SCT: variants seen among roughly 807,000 people sequenced by gnomAD.
SCT encodes prepro-secretin.
Under a neutral mutation model 10.9 loss-of-function variants are expected in SCT, and 17 were observed. The ratio of observed to expected loss-of-function variants is 1.55; its 90% CI spans 1.06 to 2.33. The LOEUF is 2.33. Ranked by LOEUF, SCT falls within the 30% of genes most tolerant of loss-of-function variation. The pLI, the probability that SCT is intolerant of heterozygous loss-of-function variation, is 0.00. For synonymous variants in SCT, 96 were observed against 73.9 expected (o/e 1.30, Z -1.54); for missense variants, 230 against 165.9 (o/e 1.39, Z -2.12).
intron 3 of SCT, 24 bp downstream of exon 3, chr11:626,673 G>C: frequency 6.5e-7 from 1 of 1,530,366 alleles, no homozygotes. Context: ...CTGGAGTGGG[G>C]TCTGCGGTGG....
At position 627,087 on chromosome 11, in the gene SCT, G is replaced by A. The variant is rs1264519733; in HGVS notation, c.57C>T (p.Arg19=). The change falls in exon 1 of 4, where the codon CGC becomes CGT. Residue 19 remains arginine, a synonymous_variant. Transcript: ENST00000176195. The stretch of plus-strand genomic sequence containing the variant: ...GGGCGGCTCACCTGGGGGGCGCGGG[G>A]CGCGCGGCGGAGCCCCCGAGGAGCA... ...LLLLLGGSAA[R]PAPPRARRHS... The A allele has an allele frequency of 1.2e-5, 14 of 1,130,452 alleles. No homozygotes were observed. The highest frequency in any genetic ancestry group is 1.5e-5 in the Non-Finnish European group (14 of 919,288). The allele number at this position is 1,130,452 out of a possible 1,614,324, so 70.0% of individuals were successfully genotyped here. A position where few individuals can be genotyped will look rare whatever the true frequency, so the allele number is the denominator to read the frequency against.
Position 627,084 on chromosome 11 carries a change from G to C in SCT, c.60C>G (p.Pro20=). The C allele has an allele frequency of 8.8e-7, 1 of 1,132,924 alleles. No individual in the cohort carries two copies. The highest frequency in any genetic ancestry group is 1.6e-5 in the African/African-American group (1 of 60,902). The allele number at this position is 1,132,924 out of a possible 1,614,324, so 70.2% of individuals were successfully genotyped here. ...GGCGGGCGGCTCACCTGGGGGGCGC[G>C]GGGCGCGCGGCGGAGCCCCCGAGGA... The part of the protein sequence containing the change: ...LLLLGGSAAR[P]APPRARRHSD... Residue 20 remains proline (P), a synonymous_variant, in exon 1 of 4, where the codon CCC becomes CCG. Transcript: ENST00000176195.
In SCT at chr11:626,499, G is replaced by A. The variant is rs759937186; in HGVS notation, c.298C>T (p.Leu100=). 2.6e-6 allele frequency: 4 copies of A among 1,561,516 alleles called. No homozygotes were observed. The highest frequency in any genetic ancestry group is 2.4e-5 in the South Asian group (2 of 84,636). ...TCTGAAACCATAGGCCCAGGGGGCA[G>A]CCAGGGAGACCAGGTCCCGTCCAGG... The part of the protein sequence containing the change: ...MPLDGTWSPW[L]PPGPMVSEPA... The change falls in exon 4 of 4, where the codon CTG becomes TTG. Residue 100 remains leucine (L), a synonymous_variant. Coordinates refer to ENST00000176195, the MANE Select transcript of SCT (RefSeq NM_021920.4).
Position 626,451 on chromosome 11 carries a change from C to G in SCT, c.346G>C (p.Gly116Arg), listed in dbSNP as rs1202868521. The change falls in exon 4 of 4, where the codon GGA becomes CGA. Residue 116 changes from glycine to arginine, a missense_variant. Coordinates refer to ENST00000176195, the MANE Select transcript of SCT (RefSeq NM_021920.4). Reference sequence around the variant, plus strand: ...CTTCCTCATCTGGGCCGCAAGGTTCCTTCTGCAGCAGCGCCAGCTGGTTCT... The same window carrying G: ...CTTCCTCATCTGGGCCGCAAGGTTCGTTCTGCAGCAGCGCCAGCTGGTTCT... ...VSEPAGAAAE[G>R]TLRPR is the part of the protein sequence containing the mutation. 1 of 1,554,192 alleles carries G rather than the reference C, an allele frequency of 6.4e-7. No individual in the cohort carries two copies. Among genetic ancestry groups the G allele is most frequent in the Admixed American group, 1.9e-5 (1 of 51,324 alleles).
chr11:626,381 C>T lies in SCT; in HGVS notation c.*50G>A. On this transcript the variant is annotated 3_prime_UTR_variant, in exon 4 of 4. Transcript: ENST00000176195. ...CTCTCCCCCATCCTGCCCCCCACCC[C>T]AAATGCAGCTGCGCTCCTGGGCCGG... is the stretch of plus-strand genomic sequence containing the variant. 2 of 1,419,960 alleles carry T rather than the reference C, an allele frequency of 1.4e-6. No individual in the cohort carries two copies. Among genetic ancestry groups the T allele is most frequent in the Non-Finnish European group, 1.9e-6 (2 of 1,030,194 alleles). The allele number at this position is 1,419,960 out of a possible 1,614,324, so 88.0% of individuals were successfully genotyped here.
intron 3 of SCT, 66 bp downstream of exon 3, chr11:626,631 G>A: frequency 2.7e-6 from 4 of 1,479,280 alleles, no homozygotes; most frequent in Non-Finnish European, 3.7e-6. Context: ...ACCCGGGGAG[G>A]CCAGGACAGA....
Position 626,357 on chromosome 11 carries a change from T to A in SCT, c.*74A>T. Reference sequence around the variant, plus strand: ...TGGTGCCAAGTACCACCCCTCCCCCTCTCCCCCATCCTGCCCCCCACCCCA... The same window carrying A: ...TGGTGCCAAGTACCACCCCTCCCCCACTCCCCCATCCTGCCCCCCACCCCA... On this transcript the variant is annotated 3_prime_UTR_variant, in exon 4 of 4. Coordinates refer to ENST00000176195, the MANE Select transcript of SCT (RefSeq NM_021920.4). 8.9e-7 allele frequency: 1 copy of A among 1,123,454 alleles called. No homozygotes were observed. Among genetic ancestry groups the A allele is most frequent in the Non-Finnish European group, 1.3e-6 (1 of 767,986 alleles). 69.6% of individuals were successfully genotyped at this position (1,123,454 alleles called of 1,614,324 possible). A position where few individuals can be genotyped will look rare whatever the true frequency, so the allele number is the denominator to read the frequency against.
At position 627,080 on chromosome 11, in the gene SCT, G is replaced by A. The variant is rs1335847615; in HGVS notation, c.64C>T (p.Pro22Ser). The A allele has an allele frequency of 1.8e-6, 2 of 1,130,914 alleles. No individual in the cohort carries two copies. Among genetic ancestry groups the A allele is most frequent in the African/African-American group, 1.6e-5 (1 of 60,798 alleles). 70.1% of individuals were successfully genotyped at this position (1,130,914 alleles called of 1,614,324 possible). The change falls in exon 1 of 4, where the codon CCC (proline) becomes TCC (serine). Residue 22 changes from proline (P) to serine (S), a missense_variant. Physicochemically the swap from Pro to Ser is moderately conservative, Grantham distance 74 (BLOSUM62 -1). Coordinates refer to ENST00000176195, the MANE Select transcript of SCT (RefSeq NM_021920.4). ...GCCTGGCGGGCGGCTCACCTGGGGG[G>A]CGCGGGGCGCGCGGCGGAGCCCCCG... ...LLGGSAARPA[P>S]PRARRHSDGT...
At chr11:626,834 C>T in intron 2 of SCT, 45 bp from the exon 3 acceptor site, 3 of 1,544,520 alleles carry the variant, frequency 1.9e-6, no homozygotes, top group Non-Finnish European at 2.6e-6. Flanking sequence ...GCTGGGGGGT[C>T]GCGCGTTGCT....
chr11:626,931 C>G lies in SCT; in HGVS notation c.130G>C (p.Ala44Pro). ...TSELSRLREG[A>P]RLQRLLQGLV... is the part of the protein sequence containing the mutation. ...CCCTGTAGCAGCCGCTGGAGCCGCG[C>G]GCCCTCCCGCAGGCGGCTGAGCTCG... The change falls in exon 2 of 4, where the codon GCG (alanine) becomes CCG (proline). Residue 44 changes from alanine to proline, a missense_variant. Coordinates refer to ENST00000176195, the MANE Select transcript of SCT (RefSeq NM_021920.4). 6.5e-7 allele frequency: 1 copy of G among 1,537,048 alleles called. No individual in the cohort carries two copies. Among genetic ancestry groups the G allele is most frequent in the Non-Finnish European group, 8.7e-7 (1 of 1,146,064 alleles).
In SCT at chr11:627,095, C is replaced by T. The variant is rs1241454708; in HGVS notation, c.49G>A (p.Ala17Thr). 3 of 1,100,766 alleles carry T rather than the reference C, an allele frequency of 2.7e-6. No homozygotes were observed. The highest frequency in any genetic ancestry group is 9.7e-5 in the East Asian group (2 of 20,722). 68.2% of individuals were successfully genotyped at this position (1,100,766 alleles called of 1,614,324 possible). The change falls in exon 1 of 4, where the codon GCC becomes ACC. Residue 17 changes from alanine to threonine, a missense_variant. Ala to Thr is a moderately conservative substitution (Grantham distance 58). Coordinates refer to ENST00000176195, the MANE Select transcript of SCT (RefSeq NM_021920.4). ...LLLLLLLGGS[A>T]ARPAPPRARR... The stretch of plus-strand genomic sequence containing the variant: ...CACCTGGGGGGCGCGGGGCGCGCGG[C>T]GGAGCCCCCGAGGAGCAGCAGCAGC...
rs1027701093 is a variant in SCT, at chr11:626,346, A to C, written c.*85T>G. ...TCCTCCTTTATTGGTGCCAAGTACC[A>C]CCCCTCCCCCTCTCCCCCATCCTGC... On this transcript the variant is annotated 3_prime_UTR_variant, in exon 4 of 4. Transcript: ENST00000176195. 3.2e-5 allele frequency: 32 copies of C among 989,786 alleles called. No homozygotes were observed. In the Admixed American group the frequency reaches 5.6e-4, roughly 17 times the overall value. The allele number at this position is 989,786 out of a possible 1,614,324, so 61.3% of individuals were successfully genotyped here.
Position 626,387 on chromosome 11 carries a change from C to G in SCT, c.*44G>C. 7 of 1,450,144 alleles carry G rather than the reference C, an allele frequency of 4.8e-6. No homozygotes were observed. Among genetic ancestry groups the G allele is most frequent in the Non-Finnish European group, 6.6e-6 (7 of 1,057,524 alleles). The allele number at this position is 1,450,144 out of a possible 1,614,324, so 89.8% of individuals were successfully genotyped here. Reference sequence around the variant, plus strand: ...CCCATCCTGCCCCCCACCCCAAATGCAGCTGCGCTCCTGGGCCGGGCAGGT... The same window carrying G: ...CCCATCCTGCCCCCCACCCCAAATGGAGCTGCGCTCCTGGGCCGGGCAGGT... On this transcript the variant is annotated 3_prime_UTR_variant, in exon 4 of 4. Transcript: ENST00000176195.
rs531061147 is a variant in SCT at position 627,108 on chromosome 11, G to GAGCAGC, written c.30_35dup (p.Leu12_Leu13dup). ...CGGGGCGCGCGGCGGAGCCCCCGAG[G>GAGCAGC]AGCAGCAGCAGCAGCAGGAGGGGCC... is the stretch of plus-strand genomic sequence containing the variant. On this transcript the variant is annotated inframe_insertion, in exon 1 of 4. Transcript: ENST00000176195. The GAGCAGC allele has an allele frequency of 3.5e-5, 38 of 1,094,686 alleles. No individual in the cohort carries two copies. Among genetic ancestry groups the GAGCAGC allele is most frequent in the African/African-American group, 1.2e-4 (7 of 59,914 alleles). The allele number at this position is 1,094,686 out of a possible 1,614,324, so 67.8% of individuals were successfully genotyped here.
chr11:626,864 AC>A (rs778689478), intron 2 of SCT, 23 bp downstream of exon 2: 4 of 1,540,314 alleles, frequency 2.6e-6, no homozygotes, highest in South Asian at 1.2e-5. Flanking sequence ...CCACGCCAGG[AC>A]CCCCCACCCC....
rs879875688 is a variant in SCT, at chr11:627,065, C to T, written c.71+8G>A. ...CCGGGGGGCGGGCGGGCCTGGCGGG[C>T]GGCTCACCTGGGGGGCGCGGGGCGC... On this transcript the variant is annotated splice_region_variant and intron_variant, in intron 1 of 3. Coordinates refer to ENST00000176195, the MANE Select transcript of SCT (RefSeq NM_021920.4). 296 of 1,194,204 alleles carry T rather than the reference C, an allele frequency of 2.5e-4. 1 individual carries two copies. In the East Asian group the frequency reaches 9.7e-3, roughly 39 times the overall value. 74.0% of individuals were successfully genotyped at this position (1,194,204 alleles called of 1,614,324 possible). A position where few individuals can be genotyped will look rare whatever the true frequency, so the allele number is the denominator to read the frequency against.
chr11:626,719 T>TG lies in SCT; in HGVS notation c.243dup (p.Asn82GlnfsTer?). ...CACCAGGCCTGCAGGATGGGCATGT[T>TG]GGACCCTGACGGGCAGAGCAGACCC... On this transcript the variant is annotated frameshift_variant, in exon 3 of 4. Transcript: ENST00000176195. LOFTEE classifies it low-confidence loss of function (END_TRUNC). The TG allele has an allele frequency of 6.5e-7, 1 of 1,550,236 alleles. No individual in the cohort carries two copies. The highest frequency in any genetic ancestry group is 8.7e-7 in the Non-Finnish European group (1 of 1,146,710).
intron 3 of SCT, 70 bp downstream of exon 3, chr11:626,627 G>A: frequency 6.8e-7 from 1 of 1,479,032 alleles, no homozygotes; most frequent in East Asian, 2.5e-5. Context: ...GCTGACCCGG[G>A]GAGGCCAGGA....
At chr11:626,616 C>A in intron 3 of SCT, 81 bp downstream of exon 3, 1 of 1,473,714 alleles carries the variant, frequency 6.8e-7, no homozygotes, top group Non-Finnish European at 9.3e-7. Context: ...TGGCCACCAG[C>A]GCTGACCCGG....
Sources: gnomAD v4.1 joint callset for allele counts on GRCh38, gnomAD v4.1.1 for gene constraint, MANE v1.5 for transcripts, NCBI Gene and HGNC (gene_info 2026-07-23, HGNC 2026-07-21) for gene names.